C5: variants seen among roughly 807,000 people sequenced by gnomAD.
C5 encodes the protein complement C5, also known as C3 and PZP-like alpha-2-macroglobulin domain-containing protein 4.
C5 carries 140 observed loss-of-function variants against 218.8 expected under a neutral mutation model. The observed-to-expected ratio is 0.64, with a 90% confidence interval of 0.56 to 0.74. The LOEUF is 0.74. Ranked by LOEUF, C5 falls within the 30% of genes least tolerant of loss-of-function variation. C5 has a pLI of 0.00. For synonymous variants in C5, 614 were observed against 682.3 expected, an observed-to-expected ratio of 0.90 and a Z score of 1.56; for missense variants, 1,700 against 1,969.6, an observed-to-expected ratio of 0.86 and a Z score of 2.59.
intron 28 of C5, among the ~76,000 whole-genome samples, chr9:120,978,845 C>A (rs985372415): frequency 6.6e-6 from 1 of 152,156 alleles, no homozygotes; most frequent in Non-Finnish European, 1.5e-5. Context: ...CTCCCCTTTT[C>A]ACTCTCAAAG....
the C5 span, among the ~76,000 whole-genome samples, chr9:121,067,722 C>T: frequency 1.3e-5 from 2 of 151,918 alleles, no homozygotes; most frequent in Non-Finnish European, 2.9e-5. Context: ...GGCAGTTTCC[C>T]CATGCTGTTC....
At chr9:121,053,159 T>C (rs1308575184), upstream of C5, among the ~76,000 whole-genome samples, 2 of 152,078 alleles carry the variant, frequency 1.3e-5, no homozygotes, top group Non-Finnish European at 2.9e-5. Flanking sequence ...AACAGAGGCG[T>C]CTCCTCAGAA....
chr9:120,979,021 A>G (rs1029375096), intron 28 of C5, among the ~76,000 whole-genome samples: 12 of 152,130 alleles, frequency 7.9e-5, no homozygotes, highest in Non-Finnish European at 1.3e-4. Context: ...TTGCTTAGGT[A>G]CTTTGTCCAC....
intron 32 of C5, among the ~76,000 whole-genome samples, chr9:120,969,852 G>A (rs1025064111): frequency 6.6e-6 from 1 of 152,104 alleles, no homozygotes; most frequent in African/African-American, 2.4e-5. Context: ...AGAAATTCCT[G>A]GTTCTGGAAT....
In C5 at chr9:120,996,320, C is replaced by T. The variant is rs1448272685; in HGVS notation, c.2791-20G>A. On this transcript the variant is annotated intron_variant, in intron 21 of 40. Transcript: ENST00000223642. ...TTCTGGCTAAAATAAAGGCAGAAAA[C>T]ATTCAGTTAAAAACATAAGTTTATA... 1.9e-6 allele frequency: 3 copies of T among 1,603,360 alleles called. No individual in the cohort carries two copies. Among genetic ancestry groups the T allele is most frequent in the East Asian group, 2.2e-5 (1 of 44,766 alleles).
In C5 at chr9:121,018,732, G is replaced by A. The variant is rs1262148490; in HGVS notation, c.1507-880C>T. On this transcript the variant is annotated intron_variant, in intron 12 of 40. Coordinates refer to ENST00000223642, the MANE Select transcript of C5 (RefSeq NM_001735.3). ...AGAAAAGAAAGAAAGAAAGAAGGAA[G>A]GAAGGAAGGAAAGGAAGGAAGGAAG... Among the ~76,000 whole-genome samples the A allele has an allele frequency of 1.5e-3, 100 of 65,162 alleles. 1 individual carries two copies. The highest frequency in any genetic ancestry group is 5.5e-3 in the Admixed American group (32 of 5,808). 42.7% of individuals were successfully genotyped at this position (65,162 alleles called of 152,430 possible).
chr9:120,961,948 G>A (rs1319297388), intron 36 of C5, among the ~76,000 whole-genome samples: 1 of 152,130 alleles, frequency 6.6e-6, no homozygotes, highest in Non-Finnish European at 1.5e-5. Flanking sequence ...AAGGGGAAGA[G>A]GGACTATGTA....
intron 40 of C5, 64 bp from the exon 41 acceptor site, chr9:120,952,932 ATT>A: frequency 6.4e-7 from 1 of 1,559,032 alleles, no homozygotes; most frequent in Non-Finnish European, 8.8e-7. Flanking sequence ...TGATTTCTTT[ATT>A]TTTTTTTGAG....
chr9:121,015,871 G>A lies in C5; in HGVS notation c.1996+383C>T, dbSNP rs920328659. Among the ~76,000 whole-genome samples, 5 of 152,156 alleles carry A rather than the reference G, an allele frequency of 3.3e-5. No homozygotes were observed. The South Asian group carries it at 6.2e-4, about 19-fold the overall frequency. ...AAATTCTATGTGGGGAAGAGGTCTCGTAGAGGCGATGATTCTTACATTGCT... is the reference window on the plus strand; with the variant it reads ...AAATTCTATGTGGGGAAGAGGTCTCATAGAGGCGATGATTCTTACATTGCT... On this transcript the variant is annotated intron_variant, in intron 15 of 40. Coordinates refer to ENST00000223642, the MANE Select transcript of C5 (RefSeq NM_001735.3).
At chr9:120,981,780 G>A in intron 27 of C5, 64 bp downstream of exon 27, 1 of 1,051,792 alleles carries the variant, frequency 9.5e-7, no homozygotes, top group Non-Finnish European at 1.5e-6. Flanking sequence ...TCTGATTGGT[G>A]GCCCCTCCAG....
intron 30 of C5, among the ~76,000 whole-genome samples, chr9:120,973,706 T>C (rs2046931251): frequency 6.6e-6 from 1 of 152,194 alleles, no homozygotes; most frequent in Non-Finnish European, 1.5e-5. Context: ...CTGCTGGGCA[T>C]GGTGGCTCAC....
rs557900101 is a variant in C5 at position 121,027,597 on chromosome 9, G to T, written c.759-323C>A. Among the ~76,000 whole-genome samples, 55 of 152,292 alleles carry T rather than the reference G, an allele frequency of 3.6e-4. 1 individual carries two copies. Among genetic ancestry groups the T allele is most frequent in the African/African-American group, 1.3e-3 (53 of 41,558 alleles). ...TGACAAAAACAAGAAATGGGGAAAG[G>T]ATTCCCAATTTAATAAATGGTGATG... On this transcript the variant is annotated intron_variant, in intron 7 of 40. Coordinates refer to ENST00000223642, the MANE Select transcript of C5 (RefSeq NM_001735.3).
chr9:121,054,993 T>C (rs2047691175), upstream of C5, among the ~76,000 whole-genome samples: 1 of 152,118 alleles, frequency 6.6e-6, no homozygotes, highest in African/African-American at 2.4e-5. Context: ...ACTCAAGCAT[T>C]ACTTACTATT....
At chr9:120,989,369 C>A (rs963482392) in intron 24 of C5, among the ~76,000 whole-genome samples, 199 bp downstream of exon 24, 1 of 152,120 alleles carries the variant, frequency 6.6e-6, no homozygotes, top group African/African-American at 2.4e-5. Flanking sequence ...AGGTGCCTTG[C>A]CTCTCATTCA....
chr9:121,065,016 G>A, the C5 span, among the ~76,000 whole-genome samples: 1 of 152,126 alleles, frequency 6.6e-6, no homozygotes, highest in Non-Finnish European at 1.5e-5. Flanking sequence ...GTTGCAGTAG[G>A]CCAAGATTGT....
intron 5 of C5, among the ~76,000 whole-genome samples, chr9:121,032,684 T>G (rs1474526914): frequency 1.3e-5 from 2 of 152,142 alleles, no homozygotes; most frequent in Non-Finnish European, 2.9e-5. Context: ...TGACCTGGCT[T>G]TAATTAATAA....
chr9:121,045,886 T>C (rs2047622451), intron 2 of C5, among the ~76,000 whole-genome samples: 1 of 152,162 alleles, frequency 6.6e-6, no homozygotes, highest in Non-Finnish European at 1.5e-5. Flanking sequence ...CTAATAGTAA[T>C]TTTCATAGCA....
chr9:121,004,519 A>C (rs993649439), intron 20 of C5, among the ~76,000 whole-genome samples: 1 of 152,200 alleles, frequency 6.6e-6, no homozygotes. Context: ...CATGCTTGTA[A>C]TCCCAGTACT....
intron 17 of C5, among the ~76,000 whole-genome samples, chr9:121,011,298 A>T (rs2047260011): frequency 6.6e-6 from 1 of 152,238 alleles, no homozygotes; most frequent in Non-Finnish European, 1.5e-5. Flanking sequence ...TAATAATCCC[A>T]CTTAAAAATG....
Sources: allele counts gnomAD v4.1 joint callset (sites outside exome capture counted in the v4.1 genomes callset), GRCh38; gene constraint gnomAD v4.1.1; transcripts MANE v1.5; gene names NCBI Gene and HGNC (gene_info 2026-07-23, HGNC 2026-07-21).